The following CERS3 variants were observed in gnomAD, a reference collection of about 807,000 sequenced individuals.
The protein encoded by CERS3 is LAG1 homolog, ceramide synthase 3.
Under a neutral mutation model 50.3 loss-of-function variants are expected in CERS3, and 33 were observed. The observed-to-expected ratio is 0.66, with a 90% CI of 0.50 to 0.88. The LOEUF is 0.88. Ranked by LOEUF, CERS3 falls within the 40% of genes least tolerant of loss-of-function variation. The pLI is 0.00. For synonymous variants in CERS3, 176 were observed against 155.2 expected (o/e 1.13, Z -0.99); for missense variants, 470 against 460.3 (o/e 1.02, Z -0.19).
At chr15:100,470,492 G>A (rs2034931501) in intron 9 of CERS3, among the ~76,000 whole-genome samples, 1 of 152,152 alleles carries the variant, frequency 6.6e-6, no homozygotes. Context: ...TGGGAGACGG[G>A]TGTGGAGAGA....
At chr15:100,539,421 G>T (rs2037148390) in intron 1 of CERS3, among the ~76,000 whole-genome samples, 1 of 152,176 alleles carries the variant, frequency 6.6e-6, no homozygotes, top group Admixed American at 6.5e-5. Flanking sequence ...ATTCATAAAG[G>T]AAAGTGGTTT....
chr15:100,500,752 C>G (rs1334883092), intron 3 of CERS3, among the ~76,000 whole-genome samples: 1 of 152,140 alleles, frequency 6.6e-6, no homozygotes, highest in Non-Finnish European at 1.5e-5. Context: ...ACGCTGTTGG[C>G]CCCAGTGAAG....
chr15:100,459,161 G>A (rs1399786918), intron 10 of CERS3, among the ~76,000 whole-genome samples: 1 of 152,100 alleles, frequency 6.6e-6, no homozygotes, highest in East Asian at 1.9e-4. Context: ...CCCCTACTAT[G>A]TATCACCATA....
chr15:100,474,479 A>T (rs2035063304), intron 8 of CERS3, among the ~76,000 whole-genome samples: 1 of 151,778 alleles, frequency 6.6e-6, no homozygotes, highest in Non-Finnish European at 1.5e-5. Context: ...ATCTTGGCTC[A>T]CTGCAACCTC....
intron 3 of CERS3, among the ~76,000 whole-genome samples, chr15:100,497,886 CA>C (rs2035871711): frequency 9.7e-6 from 1 of 103,612 alleles, no homozygotes; most frequent in Non-Finnish European, 2.0e-5. Context: ...CACACACACA[CA>C]CACACACACT....
At chr15:100,508,040 A>C (rs1291959688) in intron 2 of CERS3, among the ~76,000 whole-genome samples, 1 of 152,196 alleles carries the variant, frequency 6.6e-6, no homozygotes, top group African/African-American at 2.4e-5. Flanking sequence ...CAACTTATAC[A>C]TCCAGCATCT....
At chr15:100,479,378 A>T in intron 7 of CERS3, 50 bp downstream of exon 7, 2 of 1,353,266 alleles carry the variant, frequency 1.5e-6, no homozygotes, top group Non-Finnish European at 2.1e-6. Flanking sequence ...AGATAATTTG[A>T]GGGATCTTGG....
chr15:100,469,813 C>G (rs925161182), intron 9 of CERS3, among the ~76,000 whole-genome samples: 8 of 152,186 alleles, frequency 5.3e-5, no homozygotes, highest in African/African-American at 1.7e-4. Context: ...TTGGCATGCA[C>G]TTCATGTGGG....
chr15:100,522,765 G>C (rs1380283025), intron 1 of CERS3, among the ~76,000 whole-genome samples: 1 of 152,142 alleles, frequency 6.6e-6, no homozygotes, highest in African/African-American at 2.4e-5. Context: ...ACACTTCAAG[G>C]TGCCATTTAT....
chr15:100,475,433 G>T lies in CERS3; in HGVS notation c.609+653C>A, dbSNP rs373130505. ...GTAGTTTATGAGGTATATGCCAAGA[G>T]AATTTATCATTTGATCTGAATTGCT... On this transcript the variant is annotated intron_variant, in intron 8 of 11. Coordinates refer to ENST00000679737, the MANE Select transcript of CERS3 (RefSeq NM_001378789.1). 1.1e-4 allele frequency among the ~76,000 whole-genome samples: 16 copies of T among 152,294 alleles called. No homozygotes were observed. In the South Asian group the frequency reaches 2.7e-3, roughly 26 times the overall value.
At chr15:100,449,087 G>T (rs567295605) in intron 11 of CERS3, among the ~76,000 whole-genome samples, 1 of 152,110 alleles carries the variant, frequency 6.6e-6, no homozygotes, top group Non-Finnish European at 1.5e-5. Context: ...GGTCTGCTTC[G>T]CCTGGTTCCA....
At chr15:100,411,043 C>A (rs1048734851) in intron 11 of CERS3, among the ~76,000 whole-genome samples, 1 of 152,210 alleles carries the variant, frequency 6.6e-6, no homozygotes, top group East Asian at 1.9e-4. Context: ...ATTCTAAGTA[C>A]CTCATATAAG....
rs1177934854 is a variant in CERS3 at position 100,466,761 on chromosome 15, C to CT, written c.845+2616dup. Among the ~76,000 whole-genome samples the CT allele has an allele frequency of 4.6e-4, 10 of 21,564 alleles. 1 individual carries two copies. The highest frequency in any genetic ancestry group is 3.2e-3 in the Admixed American group (6 of 1,886). The allele number at this position is 21,564 out of a possible 152,430, so 14.1% of individuals were successfully genotyped here. A position where few individuals can be genotyped will look rare whatever the true frequency, so the allele number is the denominator to read the frequency against. ...CTTTCCTTCCTTCCTTCCTTCCTTC[C>CT]TTCCTTCCTTCCTTCCTTCCTTCCT... On this transcript the variant is annotated intron_variant, in intron 10 of 11. Coordinates refer to ENST00000679737, the MANE Select transcript of CERS3 (RefSeq NM_001378789.1).
chr15:100,483,223 T>C (rs2035368146), intron 5 of CERS3, among the ~76,000 whole-genome samples: 1 of 152,178 alleles, frequency 6.6e-6, no homozygotes, highest in Non-Finnish European at 1.5e-5. Flanking sequence ...ACGACACATC[T>C]AAACATGATG....
chr15:100,529,989 A>G (rs1368802149), upstream of CERS3, among the ~76,000 whole-genome samples: 1 of 152,250 alleles, frequency 6.6e-6, no homozygotes, highest in Non-Finnish European at 1.5e-5. Context: ...TAGTTCAAAG[A>G]GAGAGGATTG....
intron 11 of CERS3, among the ~76,000 whole-genome samples, chr15:100,414,207 G>A (rs1394286662): frequency 6.6e-6 from 1 of 152,060 alleles, no homozygotes; most frequent in Admixed American, 6.6e-5. Flanking sequence ...AAATATCTAG[G>A]AATATAGCTA....
At chr15:100,413,420 T>C (rs1369314984) in intron 11 of CERS3, among the ~76,000 whole-genome samples, 1 of 152,136 alleles carries the variant, frequency 6.6e-6, no homozygotes, top group East Asian at 1.9e-4. Context: ...ATAACTCATA[T>C]GCACCATTAA....
chr15:100,514,098 T>G (rs577628766), intron 2 of CERS3, among the ~76,000 whole-genome samples: 1 of 152,334 alleles, frequency 6.6e-6, no homozygotes, highest in South Asian at 2.1e-4. Context: ...CATGTGCCCA[T>G]GGACAACTAG....
At chr15:100,468,855 C>T (rs1244203782) in intron 10 of CERS3, among the ~76,000 whole-genome samples, 3 of 152,110 alleles carry the variant, frequency 2.0e-5, no homozygotes, top group Non-Finnish European at 4.4e-5. Flanking sequence ...TAATTAGAAC[C>T]AGTGGTCATA....
Sources: gnomAD v4.1 joint callset for allele counts (sites outside exome capture counted in the v4.1 genomes callset) on GRCh38, gnomAD v4.1.1 for gene constraint, MANE v1.5 for transcripts, NCBI Gene and HGNC (gene_info 2026-07-23, HGNC 2026-07-21) for gene names.